HNRNPD: variants seen among roughly 807,000 people sequenced by gnomAD.
HNRNPD encodes the protein heterogeneous nuclear ribonucleoprotein D0.
Under a neutral mutation model 47.9 loss-of-function variants are expected in HNRNPD, and 3 were observed. The observed-to-expected ratio is 0.06, with a 90% confidence interval of 0.03 to 0.16. The LOEUF is 0.16. Among genes scored for constraint, HNRNPD ranks in the 10% least tolerant of loss-of-function variants. The pLI, the probability that HNRNPD is intolerant of heterozygous loss-of-function variation, is 1.00. For synonymous variants in HNRNPD, 171 were observed against 165.1 expected, an observed-to-expected ratio of 1.04 and a Z score of -0.28; for missense variants, 287 against 454.2, an observed-to-expected ratio of 0.63 and a Z score of 3.35.
In HNRNPD at chr4:82,357,030, T is replaced by A. The variant is rs528694800; in HGVS notation, c.754-135A>T. ...AAACTTTCCTCAGTCAGTTTATTAA[T>A]TAAACCAATATTTAGTACTTAAGAG... On this transcript the variant is annotated intron_variant, in intron 5 of 8. Coordinates refer to ENST00000313899, the MANE Select transcript of HNRNPD (RefSeq NM_031370.3). The A allele has an allele frequency of 8.8e-6, 7 of 797,794 alleles. No homozygotes were observed. In the African/African-American group the frequency reaches 1.0e-4, roughly 12 times the overall value. The allele number at this position is 797,794 out of a possible 1,614,324, so 49.4% of individuals were successfully genotyped here. A position where few individuals can be genotyped will look rare whatever the true frequency, so the allele number is the denominator to read the frequency against.
chr4:82,373,364 G>A, intron 1 of HNRNPD, 82 bp downstream of exon 1: 5 of 1,501,518 alleles, frequency 3.3e-6, no homozygotes, highest in East Asian at 2.4e-5. Context: ...GCTGAGAGCG[G>A]GAACCAGGCC....
intron 2 of HNRNPD, among the ~76,000 whole-genome samples, chr4:82,360,240 CTAAT>C (rs1392536777): frequency 1.3e-5 from 2 of 152,020 alleles, no homozygotes; most frequent in African/African-American, 2.4e-5. Flanking sequence ...GTACAATCCA[CTAAT>C]TAACTTAGAT....
intron 1 of HNRNPD, among the ~76,000 whole-genome samples, chr4:82,372,333 G>A (rs1362755351): frequency 2.0e-5 from 3 of 152,106 alleles, no homozygotes; most frequent in East Asian, 1.9e-4. Flanking sequence ...TGCAGATTTA[G>A]GTAGTATATA....
At chr4:82,356,973 G>A (rs1012188050) in intron 5 of HNRNPD, 78 bp from the exon 6 acceptor site, 3 of 1,215,838 alleles carry the variant, frequency 2.5e-6, no homozygotes, top group Non-Finnish European at 3.6e-6. Context: ...AACCAGAATA[G>A]CCAACATGTT....
intron 2 of HNRNPD, among the ~76,000 whole-genome samples, 159 bp downstream of exon 2, chr4:82,371,367 CAT>C (rs1241624364): frequency 2.0e-5 from 3 of 152,164 alleles, no homozygotes; most frequent in African/African-American, 7.2e-5. Flanking sequence ...AAAGATTACA[CAT>C]GATGCCTATA....
chr4:82,359,536 G>A lies in HNRNPD; in HGVS notation c.394C>T (p.Pro132Ser). Residue 132 changes from proline to serine, a missense_variant, in exon 3 of 9, where the codon CCT becomes TCT. Around this residue, in one of 5 missense-constraint regions of HNRNPD, gnomAD observed 22 missense variants for 74.6 expected, o/e 0.30. Coordinates refer to ENST00000313899, the MANE Select transcript of HNRNPD (RefSeq NM_031370.3). Reference protein sequence around the residue: ...EVVDCTLKLDPITGRSRGFGF... With the variant: ...EVVDCTLKLDSITGRSRGFGF... Reference sequence around the variant, plus strand: ...AAACCCCTTGATCGCCCTGTGATAGGATCTAACTTCAGAGTGCAGTCTACA... The same window carrying A: ...AAACCCCTTGATCGCCCTGTGATAGAATCTAACTTCAGAGTGCAGTCTACA... 1.2e-6 allele frequency: 2 copies of A among 1,604,512 alleles called. No homozygotes were observed. Among genetic ancestry groups the A allele is most frequent in the Non-Finnish European group, 1.7e-6 (2 of 1,172,822 alleles).
At chr4:82,366,587 G>T (rs1719769852) in intron 2 of HNRNPD, among the ~76,000 whole-genome samples, 1 of 151,470 alleles carries the variant, frequency 6.6e-6, no homozygotes. Flanking sequence ...CTTTTTTTGA[G>T]ACGGAGTCTT....
At chr4:82,367,256 A>T (rs1719812743) in intron 2 of HNRNPD, among the ~76,000 whole-genome samples, 1 of 152,044 alleles carries the variant, frequency 6.6e-6, no homozygotes, top group Non-Finnish European at 1.5e-5. Flanking sequence ...ATAAGCTCTC[A>T]ATCAGCTTTG....
intron 5 of HNRNPD, among the ~76,000 whole-genome samples, 180 bp from the exon 6 acceptor site, chr4:82,357,075 G>A (rs1205156598): frequency 1.3e-5 from 2 of 152,174 alleles, no homozygotes; most frequent in Non-Finnish European, 2.9e-5. Flanking sequence ...ATGAGTACTT[G>A]CTAGTGATGT....
At position 82,357,203 on chromosome 4, in the gene HNRNPD, G is replaced by A. The variant is rs1723749154; in HGVS notation, c.753+110C>T. On this transcript the variant is annotated intron_variant, in intron 5 of 8. Transcript: ENST00000313899. ...AGTTGGTCAATGGTAAGTAACCAAT[G>A]AGAAGTTTTTAAAGCATGCAAAGAA... 3 of 1,248,498 alleles carry A rather than the reference G, an allele frequency of 2.4e-6. No homozygotes were observed. The East Asian group carries it at 7.2e-5, about 30-fold the overall frequency. The allele number at this position is 1,248,498 out of a possible 1,614,324, so 77.3% of individuals were successfully genotyped here.
At position 82,356,779 on chromosome 4, in the gene HNRNPD, C is replaced by A; in HGVS notation, c.853+17G>T. The A allele has an allele frequency of 6.2e-7, 1 of 1,612,608 alleles. No individual in the cohort carries two copies. The highest frequency in any genetic ancestry group is 1.3e-5 in the African/African-American group (1 of 75,002). Reference sequence around the variant, plus strand: ...GCAGAAAAGCTTAAGATAGAGTAAACTTAGGCTCTAGCTTACCACCACCTC... The same window carrying A: ...GCAGAAAAGCTTAAGATAGAGTAAAATTAGGCTCTAGCTTACCACCACCTC... On this transcript the variant is annotated intron_variant, in intron 6 of 8. Coordinates refer to ENST00000313899, the MANE Select transcript of HNRNPD (RefSeq NM_031370.3).
chr4:82,369,569 T>C (rs1217684944), intron 2 of HNRNPD, among the ~76,000 whole-genome samples: 4 of 98,138 alleles, frequency 4.1e-5, no homozygotes, highest in East Asian at 5.2e-4. Context: ...AAATTCAATT[T>C]GGATACTCTA....
chr4:82,363,287 G>A (rs1281526487), intron 2 of HNRNPD, among the ~76,000 whole-genome samples: 1 of 151,734 alleles, frequency 6.6e-6, no homozygotes, highest in South Asian at 2.1e-4. Flanking sequence ...CACCATATTG[G>A]TCAGGCTGGT....
chr4:82,358,517 T>G, intron 4 of HNRNPD, 142 bp downstream of exon 4: 4 of 713,884 alleles, frequency 5.6e-6, no homozygotes, highest in Non-Finnish European at 9.3e-6. Flanking sequence ...GCTAATGAAG[T>G]ATTTACAATA....
chr4:82,356,450 G>T, intron 7 of HNRNPD, 87 bp downstream of exon 7: 2 of 1,074,480 alleles, frequency 1.9e-6, no homozygotes, highest in Non-Finnish European at 2.7e-6. Context: ...ATTTGCACTT[G>T]GCAAGGCTAC....
chr4:82,372,624 T>A (rs1720110616), intron 1 of HNRNPD, among the ~76,000 whole-genome samples: 1 of 151,800 alleles, frequency 6.6e-6, no homozygotes. Flanking sequence ...GCGAAAAGGG[T>A]GCGCGGTTAG....
At chr4:82,366,086 A>G (rs1370217534) in intron 2 of HNRNPD, among the ~76,000 whole-genome samples, 1 of 152,184 alleles carries the variant, frequency 6.6e-6, no homozygotes, top group Non-Finnish European at 1.5e-5. Flanking sequence ...GTAAGTGTGA[A>G]AAAGAATTCC....
intron 2 of HNRNPD, among the ~76,000 whole-genome samples, chr4:82,366,870 AAC>A (rs1161689212): frequency 6.7e-6 from 1 of 150,170 alleles, no homozygotes; most frequent in Non-Finnish European, 1.5e-5. Context: ...CTAAAAATAA[AAC>A]ACTTTAAGAG....
intron 4 of HNRNPD, 67 bp downstream of exon 4, chr4:82,358,592 T>G: frequency 1.4e-6 from 2 of 1,417,666 alleles, no homozygotes; most frequent in Non-Finnish European, 1.9e-6. Flanking sequence ...TGACTCTGAG[T>G]CCATAATGGG....
Sources: gnomAD v4.1 joint callset for allele counts (sites outside exome capture counted in the v4.1 genomes callset) on GRCh38, gnomAD v4.1.1 for gene constraint, gnomAD v4.1.1 regional missense constraint, MANE v1.5 for transcripts, NCBI Gene and HGNC (gene_info 2026-07-23, HGNC 2026-07-21) for gene names.